Variants in ZNF654 observed in about 807,000 individuals in gnomAD.
The protein encoded by ZNF654 is zinc finger protein 654, also known as melanoma-associated antigen.
ZNF654 carries 19 observed loss-of-function variants against 95.3 expected under a neutral mutation model. That is an observed-to-expected ratio of 0.20 (90% CI 0.14 to 0.29). ZNF654 has a LOEUF of 0.29. Among genes scored for constraint, ZNF654 ranks in the 10% least tolerant of loss-of-function variants. The pLI is 1.00. For missense variants in ZNF654, 1,046 were observed against 1,341.0 expected (o/e 0.78, Z 3.44); for synonymous variants, 413 against 457.9 (o/e 0.90, Z 1.25).
Position 88,086,362 on chromosome 3 carries a change from G to C in ZNF654, c.292G>C (p.Glu98Gln). 6.5e-7 allele frequency: 1 copy of C among 1,535,688 alleles called. No individual in the cohort carries two copies. The highest frequency in any genetic ancestry group is 1.4e-5 in the African/African-American group (1 of 73,128). Residue 98 changes from glutamate to glutamine, a missense_variant, in exon 2 of 9, where the codon GAA becomes CAA. Around this residue, in one of 9 missense-constraint regions of ZNF654, gnomAD observed 91 missense variants for 190.5 expected, o/e 0.48. Transcript: ENST00000636215. ...FTTASASFPD[E>Q]CEHVQYVLSS... ...AACAGCCAGTGCATCATTCCCAGAT[G>C]AATGTGAGCATGTACAATATGTTTT...
chr3:88,078,725 C>T (rs181091783), intron 1 of ZNF654, among the ~76,000 whole-genome samples: 33 of 152,110 alleles, frequency 2.2e-4, no homozygotes, highest in African/African-American at 7.2e-4. Context: ...AGAGATATGA[C>T]AGACTCATCA....
intron 1 of ZNF654, among the ~76,000 whole-genome samples, chr3:88,064,474 G>T (rs1390437672): frequency 6.6e-6 from 1 of 152,156 alleles, no homozygotes; most frequent in Non-Finnish European, 1.5e-5. Context: ...TGTTAGGGGA[G>T]GGATCTGGGG....
Position 88,126,142 on chromosome 3 carries a change from G to C in ZNF654, c.423G>C (p.Gln141His). 1 of 1,507,490 alleles carries C rather than the reference G, an allele frequency of 6.6e-7. No individual in the cohort carries two copies. 93.4% of individuals were successfully genotyped at this position (1,507,490 alleles called of 1,614,324 possible). A position where few individuals can be genotyped will look rare whatever the true frequency, so the allele number is the denominator to read the frequency against. The change falls in exon 4 of 9, where the codon CAG (glutamine) becomes CAC (histidine). Residue 141 changes from glutamine (Q) to histidine (H), a missense_variant. Around this residue, in one of 9 missense-constraint regions of ZNF654, gnomAD observed 91 missense variants for 190.5 expected, o/e 0.48. Transcript: ENST00000636215. ...KDILGSFQEC[Q>H]NHLRRYGNVN... ...TGATTTTTCTCTCCTAGGAATGCCAGAATCACCTCCGCAGATATGGAAATG... is the reference window on the plus strand; with the variant it reads ...TGATTTTTCTCTCCTAGGAATGCCACAATCACCTCCGCAGATATGGAAATG...
chr3:88,140,665 C>A lies in ZNF654; in HGVS notation c.2996C>A (p.Thr999Lys). Residue 999 changes from threonine (T) to lysine (K), a missense_variant, in exon 8 of 9, where the codon ACA (threonine) becomes AAA (lysine). Coordinates refer to ENST00000636215, the MANE Select transcript of ZNF654 (RefSeq NM_001350134.2). ...VSSDPALKIDTNRIRTENGSI... is the reference protein window; with the variant it reads ...VSSDPALKIDKNRIRTENGSI... ...TCAGATCCTGCTTTGAAAATTGATA[C>A]AAACAGAATCAGGACAGAAAATGGT... is the stretch of plus-strand genomic sequence containing the variant. 1 of 1,613,682 alleles carries A rather than the reference C, an allele frequency of 6.2e-7. No individual in the cohort carries two copies. Among genetic ancestry groups the A allele is most frequent in the South Asian group, 1.1e-5 (1 of 91,072 alleles).
intron 2 of ZNF654, among the ~76,000 whole-genome samples, chr3:88,090,674 C>T (rs762290273): frequency 3.9e-5 from 6 of 152,184 alleles, no homozygotes; most frequent in Non-Finnish European, 8.8e-5. Flanking sequence ...CATTCACTCA[C>T]TGACACACCT....
chr3:88,080,487 T>A lies in ZNF654; in HGVS notation c.187-5770T>A, dbSNP rs146258079. Among the ~76,000 whole-genome samples, 409 of 152,280 alleles carry A rather than the reference T, an allele frequency of 2.7e-3. 2 individuals carry two copies. The highest frequency in any genetic ancestry group is 8.9e-3 in the African/African-American group (371 of 41,566). On this transcript the variant is annotated intron_variant, in intron 1 of 8. Coordinates refer to ENST00000636215, the MANE Select transcript of ZNF654 (RefSeq NM_001350134.2). ...TTTAAATTTTCAATAGGCCTGTGAT[T>A]AAAGTGATATTAAATTCATTTTATA... is the stretch of plus-strand genomic sequence containing the variant.
intron 3 of ZNF654, among the ~76,000 whole-genome samples, chr3:88,117,078 G>A (rs1215425034): frequency 6.6e-6 from 1 of 152,074 alleles, no homozygotes; most frequent in African/African-American, 2.4e-5. Context: ...GCAAAGAAGG[G>A]ACAACCCGAA....
At chr3:88,123,810 T>C (rs1705924396) in intron 3 of ZNF654, among the ~76,000 whole-genome samples, 1 of 152,208 alleles carries the variant, frequency 6.6e-6, no homozygotes, top group African/African-American at 2.4e-5. Context: ...ACTTACCTTA[T>C]TTCTCATGCT....
Position 88,140,211 on chromosome 3 carries a change from T to C in ZNF654, c.2542T>C (p.Phe848Leu). The C allele has an allele frequency of 1.2e-6, 2 of 1,613,874 alleles. No individual in the cohort carries two copies. Among genetic ancestry groups the C allele is most frequent in the Non-Finnish European group, 1.7e-6 (2 of 1,179,794 alleles). The change falls in exon 8 of 9, where the codon TTT becomes CTT. Residue 848 changes from phenylalanine to leucine, a missense_variant. Physicochemically the swap from Phe to Leu is conservative, Grantham distance 22. Around this residue, in one of 9 missense-constraint regions of ZNF654, gnomAD observed 495 missense variants for 537.0 expected, o/e 0.92. Transcript: ENST00000636215. ...CAGGATATTTCAGGCTCAGTGTAGT[T>C]TTCCAGAATGCCATGAGCTTTTTGA... ...SHRIFQAQCSFPECHELFEDL... is the reference protein window; with the variant it reads ...SHRIFQAQCSLPECHELFEDL...
At position 88,135,058 on chromosome 3, in the gene ZNF654, C is replaced by T; in HGVS notation, c.894-3C>T. Reference sequence around the variant, plus strand: ...GATAATTCTCTTTTTTTCTCATTTACAGGGAGTTGATTTTCATATGGAGTA... The same window carrying T: ...GATAATTCTCTTTTTTTCTCATTTATAGGGAGTTGATTTTCATATGGAGTA... On this transcript the variant is annotated splice_region_variant and splice_polypyrimidine_tract_variant and intron_variant, in intron 6 of 8. Transcript: ENST00000636215. The T allele has an allele frequency of 1.4e-6, 2 of 1,389,200 alleles. No individual in the cohort carries two copies. The highest frequency in any genetic ancestry group is 9.3e-7 in the Non-Finnish European group (1 of 1,075,914). 86.1% of individuals were successfully genotyped at this position (1,389,200 alleles called of 1,614,324 possible). A position where few individuals can be genotyped will look rare whatever the true frequency, so the allele number is the denominator to read the frequency against.
intron 3 of ZNF654, among the ~76,000 whole-genome samples, chr3:88,123,785 AG>A (rs1705922935): frequency 6.6e-6 from 1 of 152,208 alleles, no homozygotes; most frequent in South Asian, 2.1e-4. Flanking sequence ...CCAATGACTC[AG>A]GGACTAGTGT....
chr3:88,076,110 A>G (rs1707788532), intron 1 of ZNF654, among the ~76,000 whole-genome samples: 1 of 152,188 alleles, frequency 6.6e-6, no homozygotes, highest in African/African-American at 2.4e-5. Context: ...TTTTAAGGTA[A>G]TCTCCCTGCT....
At chr3:88,068,490 T>C (rs1475994579) in intron 1 of ZNF654, among the ~76,000 whole-genome samples, 1 of 152,208 alleles carries the variant, frequency 6.6e-6, no homozygotes. Context: ...AGGTTGTTAA[T>C]ATGTATTTCT....
chr3:88,093,371 C>T (rs1202693421), intron 2 of ZNF654, among the ~76,000 whole-genome samples: 1 of 152,074 alleles, frequency 6.6e-6, no homozygotes, highest in Non-Finnish European at 1.5e-5. Context: ...CTCCTTTTAC[C>T]CAACAGAAAG....
rs558158414 is a variant in ZNF654 at position 88,076,050 on chromosome 3, G to T, written c.187-10207G>T. ...ATGGCACAATGCCATACTGTATGTTGTCGTTTGTGGTAACTATTCATCTGA... is the reference window on the plus strand; with the variant it reads ...ATGGCACAATGCCATACTGTATGTTTTCGTTTGTGGTAACTATTCATCTGA... On this transcript the variant is annotated intron_variant, in intron 1 of 8. Transcript: ENST00000636215. 2.0e-5 allele frequency among the ~76,000 whole-genome samples: 3 copies of T among 152,276 alleles called. No homozygotes were observed. The East Asian group carries it at 5.8e-4, about 29-fold the overall frequency.
chr3:88,065,443 C>T (rs1213139097), intron 1 of ZNF654, among the ~76,000 whole-genome samples: 1 of 151,998 alleles, frequency 6.6e-6, no homozygotes, highest in Non-Finnish European at 1.5e-5. Context: ...TGTCCCTTTT[C>T]CCTAAACAAT....
intron 2 of ZNF654, among the ~76,000 whole-genome samples, chr3:88,102,507 G>A (rs1197444416): frequency 1.3e-5 from 2 of 152,130 alleles, no homozygotes; most frequent in African/African-American, 4.8e-5. Context: ...CGTGATGAAG[G>A]TCTTTTTGTG....
rs183801549 is a variant in ZNF654, at chr3:88,064,566, T to A, written c.186+5061T>A. Among the ~76,000 whole-genome samples the A allele has an allele frequency of 7.6e-4, 115 of 152,244 alleles. No individual in the cohort carries two copies. The East Asian group carries it at 0.016, about 22-fold the overall frequency. ...TGTGGTACCTCAAATTCCTGAGATGTTCTGGGGTTCTGGGGTTGATTCAAG... is the reference window on the plus strand; with the variant it reads ...TGTGGTACCTCAAATTCCTGAGATGATCTGGGGTTCTGGGGTTGATTCAAG... On this transcript the variant is annotated intron_variant, in intron 1 of 8. Transcript: ENST00000636215.
At chr3:88,114,812 C>T (rs1247020035) in intron 3 of ZNF654, among the ~76,000 whole-genome samples, 1 of 152,190 alleles carries the variant, frequency 6.6e-6, no homozygotes, top group African/African-American at 2.4e-5. Context: ...ACATGTAGTC[C>T]ATCATGTATA....
Sources: gnomAD v4.1 joint callset for allele counts (sites outside exome capture counted in the v4.1 genomes callset) on GRCh38, gnomAD v4.1.1 for gene constraint, gnomAD v4.1.1 regional missense constraint, MANE v1.5 for transcripts, NCBI Gene and HGNC (gene_info 2026-07-23, HGNC 2026-07-21) for gene names.